Variants in ZNF469 observed in about 807,000 individuals in gnomAD.
ZNF469 encodes the protein zinc finger protein 469.
A neutral mutation model predicts 1.0 loss-of-function variants in ZNF469; 1 was observed. The ratio of observed to expected loss-of-function variants is 1.00; its 90% CI spans 0.35 to 4.73. The LOEUF (loss-of-function observed/expected upper bound fraction) is 4.73, where lower values mean the gene tolerates loss of function less well. Among genes scored for constraint, ZNF469 ranks in the 30% most tolerant of loss-of-function variants. The pLI, the probability that ZNF469 is intolerant of heterozygous loss-of-function variation, is 0.16. For missense variants in ZNF469, 6,100 were observed against 5,356.3 expected, an observed-to-expected ratio of 1.14 and a Z score of -4.33; for synonymous variants, 2,703 against 2,363.4, an observed-to-expected ratio of 1.14 and a Z score of -4.17.
intron 1 of ZNF469, among the ~76,000 whole-genome samples, chr16:88,413,691 C>A (rs1309317499): frequency 1.3e-5 from 2 of 152,226 alleles, no homozygotes; most frequent in Admixed American, 1.3e-4. Flanking sequence ...TTTCTCAGCT[C>A]TGAAATGGGG....
the ZNF469 span, among the ~76,000 whole-genome samples, chr16:88,230,881 C>T: frequency 1.9e-4 from 29 of 151,926 alleles, no homozygotes; most frequent in African/African-American, 6.5e-4. Context: ...GGCAGAGGCC[C>T]GGGCTCTCAC....
At chr16:88,135,335 T>G in the ZNF469 span, among the ~76,000 whole-genome samples, 18 of 152,260 alleles carry the variant, frequency 1.2e-4, no homozygotes, top group Non-Finnish European at 2.1e-4. Context: ...TGTTTGGAAT[T>G]CCAGGCTCAC....
chr16:88,228,944 G>A, the ZNF469 span, among the ~76,000 whole-genome samples: 1 of 152,190 alleles, frequency 6.6e-6, no homozygotes, highest in African/African-American at 2.4e-5. Flanking sequence ...AAGCCAGGCG[G>A]GGAGGGAGGC....
chr16:88,148,785 GC>G, the ZNF469 span, among the ~76,000 whole-genome samples: 3 of 152,166 alleles, frequency 2.0e-5, no homozygotes, highest in Non-Finnish European at 2.9e-5. Context: ...TCGTGCTGGG[GC>G]CAACTCTGTT....
rs2092529373 is a variant in ZNF469 at position 88,383,057 on chromosome 16, C to A, written c.-389C>A. On this transcript the variant is annotated 5_prime_UTR_variant, in exon 1 of 3. Coordinates refer to ENST00000565624, the MANE Select transcript of ZNF469 (RefSeq NM_001367624.2). ...GCCCGCGGCGACCTGGGCAGGGTGG[C>A]GGCTGCTCCCTCTCCTCCCACCCCG... is the stretch of plus-strand genomic sequence containing the variant. Among the ~76,000 whole-genome samples, 1 of 151,384 alleles carries A rather than the reference C, an allele frequency of 6.6e-6. No individual in the cohort carries two copies. The highest frequency in any genetic ancestry group is 1.5e-5 in the Non-Finnish European group (1 of 67,820).
intron 1 of ZNF469, among the ~76,000 whole-genome samples, chr16:88,409,467 G>A (rs1905088052): frequency 1.3e-5 from 2 of 152,126 alleles, no homozygotes; most frequent in African/African-American, 4.8e-5. Flanking sequence ...TGCATCCTCG[G>A]GGCAGCAGCC....
chr16:88,433,954 C>T lies in ZNF469; in HGVS notation c.6484C>T (p.Pro2162Ser), dbSNP rs1906383694. The change falls in exon 3 of 3, where the codon CCC becomes TCC. Residue 2162 changes from proline to serine, a missense_variant. Transcript: ENST00000565624. Reference protein sequence around the residue: ...ASPSCRDPPGPQQLLACSPAW... With the variant: ...ASPSCRDPPGSQQLLACSPAW... ...TCCGTCCTGCAGGGACCCTCCCGGC[C>T]CCCAGCAGCTGCTGGCCTGTTCTCC... 1.3e-6 allele frequency: 2 copies of T among 1,550,256 alleles called. No homozygotes were observed. Among genetic ancestry groups the T allele is most frequent in the Non-Finnish European group, 1.7e-6 (2 of 1,146,920 alleles).
chr16:88,111,577 A>T, the ZNF469 span, among the ~76,000 whole-genome samples: 26 of 151,960 alleles, frequency 1.7e-4, no homozygotes, highest in Admixed American at 1.7e-3. Context: ...CTCTATATCC[A>T]TGAGTTCAAT....
rs190269936 is a variant in ZNF469 at position 88,424,176 on chromosome 16, G to A, written c.-191-631G>A. ...CCCAGTGTCCATCCAGACAGGTCTGGGTGCTCTGCAGCCTGGATGCGAGGA... is the reference window on the plus strand; with the variant it reads ...CCCAGTGTCCATCCAGACAGGTCTGAGTGCTCTGCAGCCTGGATGCGAGGA... On this transcript the variant is annotated intron_variant, in intron 1 of 2. Coordinates refer to ENST00000565624, the MANE Select transcript of ZNF469 (RefSeq NM_001367624.2). The surrounding 1 kb of genome is among the most constrained non-coding windows in gnomAD (Gnocchi z 4.3). 1.6e-3 allele frequency among the ~76,000 whole-genome samples: 248 copies of A among 152,352 alleles called. 4 individuals carry two copies. Among genetic ancestry groups the A allele is most frequent in the Non-Finnish European group, 1.5e-4 (10 of 68,036 alleles).
At position 88,430,891 on chromosome 16, in the gene ZNF469, G is replaced by T. The variant is rs547419772; in HGVS notation, c.3421G>T (p.Ala1141Ser). 2.6e-6 allele frequency: 4 copies of T among 1,537,654 alleles called. No individual in the cohort carries two copies. The African/African-American group carries it at 5.5e-5, about 21-fold the overall frequency. The change falls in exon 3 of 3, where the codon GCG (alanine) becomes TCG (serine). Residue 1141 changes from alanine to serine, a missense_variant. Ala to Ser is a moderately conservative substitution (Grantham distance 99). Coordinates refer to ENST00000565624, the MANE Select transcript of ZNF469 (RefSeq NM_001367624.2). ...REDEPQKPRKAARQEAGGDGA... is the reference protein window; with the variant it reads ...REDEPQKPRKSARQEAGGDGA... ...GGATGAGCCACAGAAACCCCGGAAG[G>T]CGGCGAGGCAGGAAGCCGGCGGGGA...
chr16:88,159,169 C>A, the ZNF469 span, among the ~76,000 whole-genome samples: 8 of 119,458 alleles, frequency 6.7e-5, no homozygotes, highest in East Asian at 2.2e-3. Context: ...GCTATGTGGA[C>A]CACTCACTGT....
chr16:88,138,899 G>A, the ZNF469 span, among the ~76,000 whole-genome samples: 5 of 152,226 alleles, frequency 3.3e-5, no homozygotes, highest in African/African-American at 9.7e-5. Flanking sequence ...AGCAGCGTAA[G>A]CACAGCTATT....
At chr16:88,293,543 G>C in the ZNF469 span, among the ~76,000 whole-genome samples, 2 of 152,154 alleles carry the variant, frequency 1.3e-5, no homozygotes, top group Admixed American at 6.5e-5. Flanking sequence ...TTTACTAAAT[G>C]GAAAGGGAAA....
chr16:88,228,273 G>A, the ZNF469 span, among the ~76,000 whole-genome samples: 30 of 152,360 alleles, frequency 2.0e-4, no homozygotes, highest in Admixed American at 9.1e-4. Flanking sequence ...CGCAGGCTCC[G>A]AGCAACGGGA....
In ZNF469 at chr16:88,437,851, C is replaced by T; in HGVS notation, c.10381C>T (p.Gln3461Ter). The T allele has an allele frequency of 6.5e-7, 1 of 1,540,150 alleles. No individual in the cohort carries two copies. The highest frequency in any genetic ancestry group is 8.8e-7 in the Non-Finnish European group (1 of 1,139,464). ...RGVRRPGAPG[Q>*]KARALEGTLP... ...CGTGCGGAGGCCGGGAGCGCCGGGA[C>T]AGAAGGCCCGGGCCCTCGAGGGCAC... Residue 3461 changes from glutamine to a stop codon, truncating the protein, a stop_gained, in exon 3 of 3, where the codon CAG becomes TAG. Coordinates refer to ENST00000565624, the MANE Select transcript of ZNF469 (RefSeq NM_001367624.2). LOFTEE classifies it low-confidence loss of function (END_TRUNC).
At chr16:88,273,828 G>A in the ZNF469 span, among the ~76,000 whole-genome samples, 5 of 125,812 alleles carry the variant, frequency 4.0e-5, no homozygotes, top group South Asian at 2.5e-4. Flanking sequence ...TTTTTGAGAC[G>A]GAGTCTCGCT....
At chr16:88,410,689 G>A (rs1414625046) in intron 1 of ZNF469, among the ~76,000 whole-genome samples, 2 of 147,520 alleles carry the variant, frequency 1.4e-5, no homozygotes, top group Non-Finnish European at 3.0e-5. Flanking sequence ...AGTTCACAGT[G>A]CAGGTCACAC....
chr16:88,162,860 C>T, the ZNF469 span, among the ~76,000 whole-genome samples: 1 of 152,196 alleles, frequency 6.6e-6, no homozygotes, highest in African/African-American at 2.4e-5. Flanking sequence ...CCAAAAAATA[C>T]TTAGTGCCTA....
chr16:88,407,595 G>C (rs1342898725), intron 1 of ZNF469, among the ~76,000 whole-genome samples: 2 of 152,244 alleles, frequency 1.3e-5, no homozygotes, highest in African/African-American at 2.4e-5. Context: ...TTTTGTGCAG[G>C]GGAAACTGAG....
Sources: allele counts gnomAD v4.1 joint callset (sites outside exome capture counted in the v4.1 genomes callset), GRCh38; gene constraint gnomAD v4.1.1; non-coding constraint Gnocchi (gnomAD v3.1); transcripts MANE v1.5; gene names NCBI Gene and HGNC (gene_info 2026-07-23, HGNC 2026-07-21).